Variants in GSK3B observed in about 807,000 individuals in gnomAD.
The protein encoded by GSK3B is glycogen synthase kinase 3 beta, also known as glycogen synthase kinase-3 beta.
Under a neutral mutation model 56.4 loss-of-function variants are expected in GSK3B, and 15 were observed. The observed-to-expected ratio is 0.27, with a 90% CI of 0.18 to 0.41. The LOEUF (loss-of-function observed/expected upper bound fraction) is 0.41, where lower values mean the gene tolerates loss of function less well. Ranked by LOEUF, GSK3B falls within the 10% of genes least tolerant of loss-of-function variation. The pLI, the probability that GSK3B is intolerant of heterozygous loss-of-function variation, is 1.00. For synonymous variants in GSK3B, 181 were observed against 188.9 expected (o/e 0.96, Z 0.34); for missense variants, 300 against 513.4 (o/e 0.58, Z 4.02).
At chr3:119,862,539 A>T (rs73175838) in intron 9 of GSK3B, among the ~76,000 whole-genome samples, 1 of 149,164 alleles carries the variant, frequency 6.7e-6, no homozygotes, top group African/African-American at 2.5e-5. Context: ...AAAAAAAAAA[A>T]AAAAGAAAGA....
intron 3 of GSK3B, among the ~76,000 whole-genome samples, chr3:119,944,321 C>G (rs1399511184): frequency 1.3e-5 from 2 of 151,978 alleles, no homozygotes; most frequent in Non-Finnish European, 2.9e-5. Flanking sequence ...ACTGTCTTAC[C>G]CTAGAGAAAA....
In GSK3B at chr3:119,986,943, T is replaced by C. The variant is rs549470329; in HGVS notation, c.282+15103A>G. Among the ~76,000 whole-genome samples, 12 of 152,312 alleles carry C rather than the reference T, an allele frequency of 7.9e-5. 1 individual carries two copies. The East Asian group carries it at 2.1e-3, about 27-fold the overall frequency. On this transcript the variant is annotated intron_variant, in intron 2 of 10. Transcript: ENST00000264235. ...AACCAACGCAAATGTCCATCAATGA[T>C]AGACTGGATTAAGAAAATGTGGCAC...
chr3:119,908,186 T>C (rs78402666), intron 6 of GSK3B, among the ~76,000 whole-genome samples: 3,924 of 152,174 alleles, frequency 0.026, 172 homozygotes, highest in African/African-American at 0.088. Context: ...CTTGCTAGGG[T>C]TCAAAAGACT....
rs1398803838 is a variant in GSK3B, at chr3:120,038,763, A to G, written c.89-36524T>C. On this transcript the variant is annotated intron_variant, in intron 1 of 10. Coordinates refer to ENST00000264235, the MANE Select transcript of GSK3B (RefSeq NM_001146156.2). ...TCTAAAAGATAACAGGAAAAATCCA[A>G]GTAACCTTTGGTTTGACGAGGACTT... 2.0e-5 allele frequency among the ~76,000 whole-genome samples: 3 copies of G among 152,150 alleles called. No homozygotes were observed. The East Asian group carries it at 5.8e-4, about 29-fold the overall frequency.
chr3:119,993,453 TA>T (rs200926471), intron 2 of GSK3B, among the ~76,000 whole-genome samples: 36 of 150,636 alleles, frequency 2.4e-4, no homozygotes, highest in Non-Finnish European at 4.6e-4. Context: ...AAATTAAAAT[TA>T]AAAAAAAAGA....
intron 2 of GSK3B, among the ~76,000 whole-genome samples, chr3:119,988,428 T>C (rs768785923): frequency 6.6e-6 from 1 of 152,224 alleles, no homozygotes; most frequent in Non-Finnish European, 1.5e-5. Context: ...TTACAGTACT[T>C]GCATAAGTGC....
chr3:119,862,524 TAA>T (rs5852229), intron 9 of GSK3B, among the ~76,000 whole-genome samples: 4,781 of 111,814 alleles, frequency 0.043, 92 homozygotes, highest in Non-Finnish European at 0.058. Context: ...TAGAGTATAA[TAA>T]AAAAAAAAAA....
intron 7 of GSK3B, among the ~76,000 whole-genome samples, chr3:119,903,927 C>T (rs1465837932): frequency 6.6e-6 from 1 of 152,146 alleles, no homozygotes; most frequent in African/African-American, 2.4e-5. Context: ...CAGGAAACTA[C>T]AGCCCATTGT....
At chr3:120,092,038 A>C (rs910833255) in intron 1 of GSK3B, among the ~76,000 whole-genome samples, 1 of 152,104 alleles carries the variant, frequency 6.6e-6, no homozygotes, top group African/African-American at 2.4e-5. Context: ...TAGTTCTCTC[A>C]GTTCTTCTAG....
chr3:120,036,828 T>C (rs556739372), intron 1 of GSK3B, among the ~76,000 whole-genome samples: 17 of 143,608 alleles, frequency 1.2e-4, no homozygotes, highest in African/African-American at 3.6e-4. Flanking sequence ...ATCTATGCCA[T>C]CTAGCAGTTT....
At chr3:120,082,930 TATATA>T (rs1036987120) in intron 1 of GSK3B, among the ~76,000 whole-genome samples, 3 of 152,106 alleles carry the variant, frequency 2.0e-5, no homozygotes, top group African/African-American at 7.2e-5. Flanking sequence ...CTTTTTGGCT[TATATA>T]ATATTTCTTC....
intron 9 of GSK3B, among the ~76,000 whole-genome samples, chr3:119,855,074 TC>T (rs1406355854): frequency 3.2e-4 from 48 of 152,364 alleles, no homozygotes; most frequent in South Asian, 2.9e-3. Flanking sequence ...TAAATTTTCC[TC>T]TATATGCTGC....
At chr3:120,092,120 T>G (rs534497930) in intron 1 of GSK3B, among the ~76,000 whole-genome samples, 1 of 152,340 alleles carries the variant, frequency 6.6e-6, no homozygotes, top group East Asian at 1.9e-4. Context: ...ATAGATATTT[T>G]TGTTAAATTC....
At chr3:120,051,812 A>G (rs2058152886) in intron 1 of GSK3B, among the ~76,000 whole-genome samples, 2 of 152,126 alleles carry the variant, frequency 1.3e-5, no homozygotes, top group South Asian at 4.1e-4. Flanking sequence ...GACTGCAGAT[A>G]TGAAGAGACT....
chr3:119,847,301 A>G (rs576185504), intron 9 of GSK3B, among the ~76,000 whole-genome samples: 2 of 151,376 alleles, frequency 1.3e-5, no homozygotes, highest in East Asian at 3.9e-4. Flanking sequence ...AATCATAAAA[A>G]AAGAATAAGT....
chr3:119,979,149 C>T lies in GSK3B; in HGVS notation c.282+22897G>A, dbSNP rs553741177. 1.5e-4 allele frequency among the ~76,000 whole-genome samples: 23 copies of T among 152,196 alleles called. No homozygotes were observed. The South Asian group carries it at 3.9e-3, about 26-fold the overall frequency. ...CATTAGATAATGGCAGCCCATGGTC[C>T]GAAAATGGCATCTTTAACTTGCAAA... On this transcript the variant is annotated intron_variant, in intron 2 of 10. Coordinates refer to ENST00000264235, the MANE Select transcript of GSK3B (RefSeq NM_001146156.2).
intron 1 of GSK3B, among the ~76,000 whole-genome samples, chr3:120,021,635 G>A (rs1210815506): frequency 6.6e-6 from 1 of 152,198 alleles, no homozygotes; most frequent in African/African-American, 2.4e-5. Flanking sequence ...CACTGCAGAT[G>A]TGGTAGAAAT....
chr3:119,959,287 C>G (rs2107503728), intron 2 of GSK3B, among the ~76,000 whole-genome samples: 1 of 152,226 alleles, frequency 6.6e-6, no homozygotes, highest in East Asian at 1.9e-4. Flanking sequence ...TATCTCTAGA[C>G]CAGACCACCC....
At chr3:119,991,817 C>T (rs74333921) in intron 2 of GSK3B, among the ~76,000 whole-genome samples, 2,432 of 151,808 alleles carry the variant, frequency 0.016, 62 homozygotes, top group African/African-American at 0.055. Flanking sequence ...GGAAAAAAAC[C>T]GAGCTTGGTA....
Sources: gnomAD v4.1 joint callset for allele counts (sites outside exome capture counted in the v4.1 genomes callset) on GRCh38, gnomAD v4.1.1 for gene constraint, MANE v1.5 for transcripts, NCBI Gene and HGNC (gene_info 2026-07-23, HGNC 2026-07-21) for gene names.